TF: variants seen among roughly 807,000 people sequenced by gnomAD.
TF encodes the protein serotransferrin.
Under a neutral mutation model 82.4 loss-of-function variants are expected in TF, and 55 were observed. The observed-to-expected ratio is 0.67, with a 90% CI of 0.54 to 0.84. The LOEUF (loss-of-function observed/expected upper bound fraction) is 0.84, where lower values mean the gene tolerates loss of function less well. TF is among the 40% of genes least tolerant of loss of function. The pLI, the probability that TF is intolerant of heterozygous loss-of-function variation, is 0.00. For synonymous variants in TF, 332 were observed against 332.6 expected (o/e 1.00, Z 0.02); for missense variants, 737 against 868.4 (o/e 0.85, Z 1.90).
the TF span, among the ~76,000 whole-genome samples, chr3:133,678,819 ACTCTGATGATAGTTTCCTTTGGCCC>A: frequency 6.6e-6 from 1 of 151,282 alleles, no homozygotes; most frequent in Non-Finnish European, 1.5e-5. Flanking sequence ...TTGCCTGTTC[ACTCTGATGATAGTTTCCTTTGGCCC>A]AGCTATTTTT....
At position 133,779,954 on chromosome 3, in the gene TF, C is replaced by G. The variant is rs541453086; in HGVS notation, c.*1334C>G. On this transcript the variant is annotated 3_prime_UTR_variant, in exon 17 of 17. Transcript: ENST00000402696. ...GGTGAAATTTCAGTTCGCCATTTTC[C>G]CTCACACTACATCCAGCGTCACCAA... The G allele has an allele frequency of 3.3e-5, 5 of 152,288 alleles. No individual in the cohort carries two copies. The highest frequency in any genetic ancestry group is 2.1e-4 in the South Asian group (1 of 4,822). The allele number at this position is 152,288 out of a possible 1,614,324, so 9.4% of individuals were successfully genotyped here.
At chr3:133,704,933 A>G in the TF span, among the ~76,000 whole-genome samples, 1 of 152,232 alleles carries the variant, frequency 6.6e-6, no homozygotes, top group Non-Finnish European at 1.5e-5. Flanking sequence ...TCTGTGAGGT[A>G]AATAGTGGTA....
chr3:133,743,484 C>T (rs1933431846), upstream of TF, among the ~76,000 whole-genome samples: 1 of 152,018 alleles, frequency 6.6e-6, no homozygotes, highest in Non-Finnish European at 1.5e-5. Flanking sequence ...GTCCTGGTTT[C>T]CTGGGAGAGG....
chr3:133,743,043 C>A (rs529702430), upstream of TF, among the ~76,000 whole-genome samples: 1 of 152,230 alleles, frequency 6.6e-6, no homozygotes, highest in Admixed American at 6.5e-5. Context: ...TCTTTCCTCC[C>A]CCACTAAATA....
rs142819812 is a variant in TF, at chr3:133,748,583, C to T, written c.215C>T (p.Ala72Val). 136 of 1,614,006 alleles carry T rather than the reference C, an allele frequency of 8.4e-5. No homozygotes were observed. The highest frequency in any genetic ancestry group is 5.4e-4 in the East Asian group (24 of 44,840). Residue 72 changes from alanine (A) to valine (V), a missense_variant and splice_region_variant, in exon 2 of 17, where the codon GCG (alanine) becomes GTG (valine). Transcript: ENST00000402696. The part of the protein sequence containing the change: ...ASYLDCIRAI[A>V]ANEADAVTLD... ...TACCTTGATTGCATCAGGGCCATTG[C>T]GGTAAGTCGCTGCTGCCTAAAAGAG...
rs150329556 is a variant in TF, at chr3:133,756,953, G to T, written c.814G>T (p.Ala272Ser). Residue 272 changes from alanine (A) to serine (S), a missense_variant, in exon 7 of 17, where the codon GCC becomes TCC. Physicochemically the swap from Ala to Ser is moderately conservative, Grantham distance 99. Coordinates refer to ENST00000402696, the MANE Select transcript of TF (RefSeq NM_001063.4). ...LAQVPSHTVV[A>S]RSMGGKEDLI... ...CCAGGTCCCTTCTCATACCGTCGTG[G>T]CCCGAAGTATGGGCGGCAAGGAGGA... 6.2e-7 allele frequency: 1 copy of T among 1,614,146 alleles called. No homozygotes were observed. Among genetic ancestry groups the T allele is most frequent in the Non-Finnish European group, 8.5e-7 (1 of 1,180,008 alleles).
the TF span, chr3:133,701,859 C>A: frequency 3.3e-5 from 5 of 152,714 alleles, no homozygotes; most frequent in African/African-American, 1.2e-4. Context: ...CCAGTGAAGG[C>A]CTTGTTGGAC....
In TF at chr3:133,786,947, G is replaced by C. The variant is rs1051397181; in HGVS notation, c.*8327G>C. On this transcript the variant is annotated 3_prime_UTR_variant, in exon 17 of 17. Coordinates refer to ENST00000402696, the MANE Select transcript of TF (RefSeq NM_001063.4). ...TTTGCTAAAATTCTTGGGAAGTACT[G>C]TCTTTTGGAAGTGGAATTGTGAAGC... The C allele has an allele frequency of 6.6e-6, 1 of 152,214 alleles. No individual in the cohort carries two copies. Among genetic ancestry groups the C allele is most frequent in the African/African-American group, 2.4e-5 (1 of 41,444 alleles). 9.4% of individuals were successfully genotyped at this position (152,214 alleles called of 1,614,324 possible).
Position 133,793,342 on chromosome 3 carries a change from A to C in TF, c.*14722A>C, listed in dbSNP as rs1257045309. On this transcript the variant is annotated 3_prime_UTR_variant, in exon 17 of 17. Coordinates refer to ENST00000402696, the MANE Select transcript of TF (RefSeq NM_001063.4). ...TAATGTCAAGTGTTTTAAATCTTTA[A>C]CATATTTAATAGGCTTCCCAAAATC... is the stretch of plus-strand genomic sequence containing the variant. 6.6e-6 allele frequency: 1 copy of C among 152,092 alleles called. No individual in the cohort carries two copies. Among genetic ancestry groups the C allele is most frequent in the Non-Finnish European group, 1.5e-5 (1 of 67,972 alleles). 9.4% of individuals were successfully genotyped at this position (152,092 alleles called of 1,614,324 possible).
chr3:133,748,638 C>T, intron 2 of TF, 54 bp downstream of exon 2: 3 of 1,600,744 alleles, frequency 1.9e-6, no homozygotes, highest in Non-Finnish European at 2.6e-6. Flanking sequence ...TTCTCTGTTT[C>T]CAGTCACTTT....
the TF span, among the ~76,000 whole-genome samples, chr3:133,733,729 T>C: frequency 6.6e-6 from 1 of 152,178 alleles, no homozygotes; most frequent in African/African-American, 2.4e-5. Context: ...CTCTGCTCCG[T>C]TATTCCTCCA....
chr3:133,722,701 G>A, the TF span, among the ~76,000 whole-genome samples: 2 of 152,144 alleles, frequency 1.3e-5, no homozygotes, highest in South Asian at 4.1e-4. Context: ...TATTTTTGTT[G>A]CCCTAATTTA....
At chr3:133,681,544 G>A in the TF span, among the ~76,000 whole-genome samples, 1 of 152,242 alleles carries the variant, frequency 6.6e-6, no homozygotes, top group African/African-American at 2.4e-5. Flanking sequence ...CGGCACACCA[G>A]GAGATTATAT....
chr3:133,745,140 A>G (rs1479962444), upstream of TF, among the ~76,000 whole-genome samples: 1 of 152,264 alleles, frequency 6.6e-6, no homozygotes. Flanking sequence ...CAAAGAAACT[A>G]GAATTAGGAG....
chr3:133,754,799 G>A (rs8177221), intron 4 of TF, 128 bp downstream of exon 4: 163,767 of 1,062,352 alleles, frequency 0.15, 13,401 homozygotes, highest in East Asian at 0.19. Context: ...GAGGTTAACA[G>A]ACTTTAAACT....
At chr3:133,728,154 G>C in the TF span, among the ~76,000 whole-genome samples, 1 of 152,136 alleles carries the variant, frequency 6.6e-6, no homozygotes, top group Non-Finnish European at 1.5e-5. Context: ...TTCTCGAGGA[G>C]TATCTTTGTG....
chr3:133,757,019 C>T lies in TF; in HGVS notation c.870+10C>T, dbSNP rs1225059662. 1 of 1,614,198 alleles carries T rather than the reference C, an allele frequency of 6.2e-7. No homozygotes were observed. The highest frequency in any genetic ancestry group is 8.5e-7 in the Non-Finnish European group (1 of 1,180,038). On this transcript the variant is annotated intron_variant, in intron 7 of 16. Transcript: ENST00000402696. Reference sequence around the variant, plus strand: ...TCTCAACCAGGCCCAGGTATCCCCACCTGCCATCCTCCCCTCCAGCTTAGT... The same window carrying T: ...TCTCAACCAGGCCCAGGTATCCCCATCTGCCATCCTCCCCTCCAGCTTAGT...
chr3:133,691,066 G>A, the TF span, among the ~76,000 whole-genome samples: 15,330 of 152,112 alleles, frequency 0.1, 807 homozygotes, highest in Middle Eastern at 0.17. Flanking sequence ...GTGGGATGGA[G>A]GAAAAGGGAG....
the TF span, among the ~76,000 whole-genome samples, chr3:133,678,616 G>A: frequency 6.6e-6 from 1 of 152,216 alleles, no homozygotes; most frequent in Non-Finnish European, 1.5e-5. Context: ...GACCAGTGAT[G>A]TTGAGCTTTT....
Sources: gnomAD v4.1 joint callset for allele counts (sites outside exome capture counted in the v4.1 genomes callset) on GRCh38, gnomAD v4.1.1 for gene constraint, MANE v1.5 for transcripts, NCBI Gene and HGNC (gene_info 2026-07-23, HGNC 2026-07-21) for gene names.